Variants in SPTBN5 observed in about 807,000 individuals in gnomAD.
The protein encoded by SPTBN5 is spectrin beta, non-erythrocytic 5, also known as spectrin beta chain, non-erythrocytic 5.
Under a neutral mutation model 477.6 loss-of-function variants are expected in SPTBN5, and 513 were observed. That is an observed-to-expected ratio of 1.07 (90% CI 1.00 to 1.16). The LOEUF is 1.16. SPTBN5 is among the 50% of genes most tolerant of loss of function. The pLI is 0.00. For synonymous variants in SPTBN5, 2,169 were observed against 2,011.7 expected (o/e 1.08, Z -2.09); for missense variants, 5,062 against 4,731.8 (o/e 1.07, Z -2.05).
Position 41,859,512 on chromosome 15 carries a change from C to T in SPTBN5, c.7989-532G>A, listed in dbSNP as rs547276775. ...CTAACTCCAGAAGTGTTTTTGGAGA[C>T]AGCGTCTTTAAAAGAGGTAATTAAG... On this transcript the variant is annotated intron_variant, in intron 47 of 67. Transcript: ENST00000320955. Among the ~76,000 whole-genome samples the T allele has an allele frequency of 8.4e-4, 128 of 152,302 alleles. 2 individuals are homozygous for T. The highest frequency in any genetic ancestry group is 7.3e-5 in the Non-Finnish European group (5 of 68,028).
chr15:41,853,972 G>C (rs1439769110), intron 57 of SPTBN5, 78 bp downstream of exon 57: 1 of 1,483,966 alleles, frequency 6.7e-7, no homozygotes, highest in African/African-American at 1.4e-5. Flanking sequence ...GCTGGGGTGG[G>C]AGGGCTGAGA....
chr15:41,890,080 G>A lies in SPTBN5; in HGVS notation c.501+9C>T, dbSNP rs753244571. On this transcript the variant is annotated intron_variant, in intron 4 of 67. Transcript: ENST00000320955. ...CACCAGGTGCTGGGTACTGGGGACT[G>A]AGCCATACCTTGTCCAAGGAGATGT... The A allele has an allele frequency of 1.3e-6, 2 of 1,592,138 alleles. No homozygotes were observed. Among genetic ancestry groups the A allele is most frequent in the Non-Finnish European group, 1.7e-6 (2 of 1,163,840 alleles).
rs374589368 is a variant in SPTBN5, at chr15:41,855,227, G to A, written c.9420C>T (p.Val3140=). 21 of 1,609,026 alleles carry A rather than the reference G, an allele frequency of 1.3e-5. No individual in the cohort carries two copies. The highest frequency in any genetic ancestry group is 1.8e-5 in the Non-Finnish European group (21 of 1,177,088). ...SQDYGQDLEG[V]KVLEEKFDAF... is the part of the protein sequence containing the mutation. ...GGTTTGCTCAGGAGTAACTCACCTTGACACCCTCCAGGTCCTGCCCGTAGT... is the reference window on the plus strand; with the variant it reads ...GGTTTGCTCAGGAGTAACTCACCTTAACACCCTCCAGGTCCTGCCCGTAGT... The change falls in exon 55 of 68, where the codon GTC becomes GTT. Residue 3140 remains valine (V), a synonymous_variant. Transcript: ENST00000320955.
Position 41,866,193 on chromosome 15 carries a change from C to G in SPTBN5, c.6667G>C (p.Ala2223Pro). The change falls in exon 38 of 68, where the codon GCC becomes CCC. Residue 2223 changes from alanine to proline, a missense_variant. By Grantham distance (27) the Ala-to-Pro change is conservative. Coordinates refer to ENST00000320955, the MANE Select transcript of SPTBN5 (RefSeq NM_016642.4). The part of the protein sequence containing the change: ...EALLAQSHPR[A>P]GEVSQRLQGL... The stretch of plus-strand genomic sequence containing the variant: ...TGCAGCCGCTGGGAGACCTCTCCGG[C>G]TCGAGGGTGACTCTGTGCCAGGAGA... 1 of 1,582,026 alleles carries G rather than the reference C, an allele frequency of 6.3e-7. No individual in the cohort carries two copies. Among genetic ancestry groups the G allele is most frequent in the Non-Finnish European group, 8.6e-7 (1 of 1,166,238 alleles).
chr15:41,865,837 G>A lies in SPTBN5; in HGVS notation c.6889C>T (p.Leu2297Phe). The change falls in exon 39 of 68, where the codon CTC (leucine) becomes TTC (phenylalanine). Residue 2297 changes from leucine to phenylalanine, a missense_variant. Leu to Phe is a conservative substitution (Grantham distance 22). Transcript: ENST00000320955. ...LEHCLQLRRR[L>F]REFRGNSAGD... is the part of the protein sequence containing the mutation. ...GCCGAGTTTCCTCGGAACTCGCGGA[G>A]CCGCCGTCGGAGCTGCAGGCAGTGC... 7 of 1,574,824 alleles carry A rather than the reference G, an allele frequency of 4.4e-6. No individual in the cohort carries two copies. Among genetic ancestry groups the A allele is most frequent in the Non-Finnish European group, 6.0e-6 (7 of 1,160,844 alleles).
Position 41,882,548 on chromosome 15 carries a change from C to G in SPTBN5, c.2046+37G>C, listed in dbSNP as rs758494107. The G allele has an allele frequency of 8.2e-6, 13 of 1,594,902 alleles. No individual in the cohort carries two copies. The South Asian group carries it at 1.5e-4, about 18-fold the overall frequency. On this transcript the variant is annotated intron_variant, in intron 10 of 67. Coordinates refer to ENST00000320955, the MANE Select transcript of SPTBN5 (RefSeq NM_016642.4). ...GGGGGCCCGAGAGGGAAGGGCAAGG[C>G]GCTGGCGACCGGCGGGCGCGCTCGG...
chr15:41,860,793 G>A (rs911042315), intron 46 of SPTBN5, 35 bp from the exon 47 acceptor site: 2 of 1,460,564 alleles, frequency 1.4e-6, no homozygotes, highest in Non-Finnish European at 1.8e-6. Flanking sequence ...CTGTCCATGA[G>A]CCTCCCCCTC....
rs769943604 is a variant in SPTBN5, at chr15:41,854,154, G to A, written c.9670C>T (p.Leu3224Phe). 1.3e-5 allele frequency: 20 copies of A among 1,597,220 alleles called. No individual in the cohort carries two copies. The highest frequency in any genetic ancestry group is 1.6e-5 in the Non-Finnish European group (19 of 1,172,376). Residue 3224 changes from leucine to phenylalanine, a missense_variant, in exon 57 of 68, where the codon CTC becomes TTC. Transcript: ENST00000320955. ...VHSFQQAAAELQGRMQEKTAL... is the reference protein window; with the variant it reads ...VHSFQQAAAEFQGRMQEKTAL... ...GTCTTCTCCTGCATCCTTCCCTGGA[G>A]CTCAGCTGCTGCCTGCTGAAAGCTG...
intron 4 of SPTBN5, among the ~76,000 whole-genome samples, chr15:41,889,761 A>T (rs1197695): frequency 0.057 from 8,729 of 152,290 alleles, 836 homozygotes; most frequent in African/African-American, 0.2. Flanking sequence ...GAAGTTACAG[A>T]GCCTCAGTGC....
In SPTBN5 at chr15:41,879,509, G is replaced by A. The variant is rs1195517993; in HGVS notation, c.2943-10C>T. 2 of 1,551,074 alleles carry A rather than the reference G, an allele frequency of 1.3e-6. No homozygotes were observed. The highest frequency in any genetic ancestry group is 1.7e-6 in the Non-Finnish European group (2 of 1,151,412). ...CTCCAGCTGCCCCCACCTGGGCAGA[G>A]GGTACAAGGTTGTCTCCACAACAGG... On this transcript the variant is annotated splice_polypyrimidine_tract_variant and intron_variant, in intron 15 of 67. Transcript: ENST00000320955.
At chr15:41,883,592 C>A (rs2067051081) in intron 7 of SPTBN5, 106 bp from the exon 8 acceptor site, 2 of 1,382,716 alleles carry the variant, frequency 1.4e-6, no homozygotes, top group Middle Eastern at 2.0e-4. Flanking sequence ...AGAGTCTGAC[C>A]TCCATGGCTG....
At chr15:41,880,461 C>T (rs1323894000) in intron 13 of SPTBN5, 149 bp from the exon 14 acceptor site, 10 of 836,740 alleles carry the variant, frequency 1.2e-5, no homozygotes, top group Middle Eastern at 3.7e-4. Context: ...CTGCTGGGCC[C>T]CACATCCTCT....
In SPTBN5 at chr15:41,857,797, G is replaced by A. The variant is rs1248435025; in HGVS notation, c.8227-87C>T. On this transcript the variant is annotated intron_variant, in intron 49 of 67. Transcript: ENST00000320955. ...GTTGACTCTGACCACCAGCACTAGA[G>A]CTGCAGAGTCCCTGCGGTCCAGCTG... is the stretch of plus-strand genomic sequence containing the variant. 3.4e-6 allele frequency: 5 copies of A among 1,460,124 alleles called. No homozygotes were observed. In the East Asian group the frequency reaches 1.3e-4, roughly 37 times the overall value. The allele number at this position is 1,460,124 out of a possible 1,614,324, so 90.4% of individuals were successfully genotyped here.
Position 41,848,503 on chromosome 15 carries a change from G to A in SPTBN5, c.*113C>T. On this transcript the variant is annotated 3_prime_UTR_variant, in exon 68 of 68. Coordinates refer to ENST00000320955, the MANE Select transcript of SPTBN5 (RefSeq NM_016642.4). ...TCCAGAAGCTGGGCCTGGGGAACTG[G>A]GTTGAAGCAGCCACGGGAAGGAGCC... 1 of 1,275,602 alleles carries A rather than the reference G, an allele frequency of 7.8e-7. No homozygotes were observed. The highest frequency in any genetic ancestry group is 1.2e-5 in the South Asian group (1 of 84,230). 79.0% of individuals were successfully genotyped at this position (1,275,602 alleles called of 1,614,324 possible). A position where few individuals can be genotyped will look rare whatever the true frequency, so the allele number is the denominator to read the frequency against.
rs754495906 is a variant in SPTBN5 at position 41,852,255 on chromosome 15, A to G, written c.10511T>C (p.Leu3504Pro). 1.2e-6 allele frequency: 2 copies of G among 1,610,060 alleles called. No homozygotes were observed. The highest frequency in any genetic ancestry group is 3.4e-5 in the Admixed American group (2 of 59,672). ...ELKPGRAGSSLTSFQWRPSGH... is the reference protein window; with the variant it reads ...ELKPGRAGSSPTSFQWRPSGH... ...AGAGGGCCTCCACTGAAAGGATGTC[A>G]GCGAGCTGCCAGCTCTCCCGGGCTT... The change falls in exon 62 of 68, where the codon CTG (leucine) becomes CCG (proline). Residue 3504 changes from leucine (L) to proline (P), a missense_variant. Transcript: ENST00000320955.
Position 41,867,084 on chromosome 15 carries a change from G to C in SPTBN5, c.6355C>G (p.Arg2119Gly), listed in dbSNP as rs1032569168. Reference sequence around the variant, plus strand: ...AGGATGGGAAGCCGGTCCCGCACCCGGGGGCGCCGGAGCGTCTTCAGCCGC... The same window carrying C: ...AGGATGGGAAGCCGGTCCCGCACCCCGGGGCGCCGGAGCGTCTTCAGCCGC... ...RERLKTLRRP[R>G]VRDRLPILLQ... The change falls in exon 36 of 68, where the codon CGG becomes GGG. Residue 2119 changes from arginine (R) to glycine (G), a missense_variant. By Grantham distance (125) the Arg-to-Gly change is moderately radical (BLOSUM62 -2). Coordinates refer to ENST00000320955, the MANE Select transcript of SPTBN5 (RefSeq NM_016642.4). 4.5e-6 allele frequency: 7 copies of C among 1,544,920 alleles called. No homozygotes were observed. The highest frequency in any genetic ancestry group is 6.1e-6 in the Non-Finnish European group (7 of 1,146,758).
chr15:41,886,386 G>A lies in SPTBN5; in HGVS notation c.889-20C>T, dbSNP rs775836963. 1.9e-6 allele frequency: 3 copies of A among 1,573,988 alleles called. No homozygotes were observed. The highest frequency in any genetic ancestry group is 2.6e-6 in the Non-Finnish European group (3 of 1,161,782). On this transcript the variant is annotated intron_variant, in intron 6 of 67. Coordinates refer to ENST00000320955, the MANE Select transcript of SPTBN5 (RefSeq NM_016642.4). ...CAGGATCTGGTGGAGGGCATAGGAA[G>A]GGGTCAGGGTCCTTCTCAGGGCAGG...
At chr15:41,849,639 G>T (rs1220088227) in intron 67 of SPTBN5, among the ~76,000 whole-genome samples, 1 of 152,186 alleles carries the variant, frequency 6.6e-6, no homozygotes, top group East Asian at 1.9e-4. Flanking sequence ...ACTAGAGCCT[G>T]GAGTGAGCCC....
chr15:41,867,520 G>C lies in SPTBN5; in HGVS notation c.6312+18C>G. The C allele has an allele frequency of 2.5e-6, 4 of 1,610,414 alleles. No homozygotes were observed. The highest frequency in any genetic ancestry group is 3.4e-6 in the Non-Finnish European group (4 of 1,176,964). ...ACCACCACACTCTGACCACGCCCAG[G>C]CCTCCTGACTCCATTACCTTCTTGT... is the stretch of plus-strand genomic sequence containing the variant. On this transcript the variant is annotated intron_variant, in intron 35 of 67. Coordinates refer to ENST00000320955, the MANE Select transcript of SPTBN5 (RefSeq NM_016642.4).
Sources: gnomAD v4.1 joint callset for allele counts (sites outside exome capture counted in the v4.1 genomes callset) on GRCh38, gnomAD v4.1.1 for gene constraint, MANE v1.5 for transcripts, NCBI Gene and HGNC (gene_info 2026-07-23, HGNC 2026-07-21) for gene names.